Variants in TRAPPC8 observed in about 807,000 individuals in gnomAD.
TRAPPC8 encodes general sporulation gene 1 homolog.
Under a neutral mutation model 174.3 loss-of-function variants are expected in TRAPPC8, and 54 were observed. The observed-to-expected ratio is 0.31, with a 90% CI of 0.25 to 0.39. The LOEUF is 0.39. TRAPPC8 is among the 10% of genes least tolerant of loss of function. TRAPPC8 has a pLI of 1.00. For missense variants in TRAPPC8, 1,531 were observed against 1,699.1 expected (o/e 0.90, Z 1.74); for synonymous variants, 630 against 579.9 (o/e 1.09, Z -1.24).
At chr18:31,877,640 T>A (rs1251572969) in intron 12 of TRAPPC8, among the ~76,000 whole-genome samples, 2 of 137,126 alleles carry the variant, frequency 1.5e-5, no homozygotes, top group African/African-American at 5.5e-5. Flanking sequence ...AGTGAGCCCA[T>A]GGCCAGGCAC....
chr18:31,878,227 A>AC (rs1261392066), intron 12 of TRAPPC8, among the ~76,000 whole-genome samples: 1 of 152,146 alleles, frequency 6.6e-6, no homozygotes, highest in African/African-American at 2.4e-5. Flanking sequence ...CAACTGGTGC[A>AC]CCCCATCCCA....
intron 24 of TRAPPC8, 64 bp from the exon 25 acceptor site, chr18:31,849,803 T>C (rs958188069): frequency 5.6e-6 from 8 of 1,440,248 alleles, no homozygotes; most frequent in Non-Finnish European, 7.3e-6. Flanking sequence ...ATTTATTTTG[T>C]ATAACTCAGT....
intron 19 of TRAPPC8, among the ~76,000 whole-genome samples, chr18:31,862,523 A>G (rs937040935): frequency 6.6e-6 from 1 of 152,168 alleles, no homozygotes; most frequent in Admixed American, 6.5e-5. Context: ...GAACTAAAAA[A>G]CAAAGTTTGA....
chr18:31,915,115 G>A (rs1015477595), intron 4 of TRAPPC8, among the ~76,000 whole-genome samples: 13 of 152,160 alleles, frequency 8.5e-5, no homozygotes, highest in African/African-American at 2.7e-4. Flanking sequence ...AATGACAAGT[G>A]TTTTTGTACA....
chr18:31,895,859 T>C (rs951271713), intron 11 of TRAPPC8: 9 of 152,350 alleles, frequency 5.9e-5, no homozygotes, highest in African/African-American at 2.2e-4. Context: ...GTCCATGCAA[T>C]AACAATTATT....
chr18:31,884,493 G>C (rs1209074918), intron 12 of TRAPPC8, among the ~76,000 whole-genome samples: 1 of 152,054 alleles, frequency 6.6e-6, no homozygotes, highest in Admixed American at 6.6e-5. Flanking sequence ...TTTTCTTCTG[G>C]CTATTGCTGC....
intron 12 of TRAPPC8, among the ~76,000 whole-genome samples, chr18:31,884,371 C>T (rs1434815276): frequency 6.6e-6 from 1 of 152,200 alleles, no homozygotes; most frequent in Admixed American, 6.5e-5. Context: ...TGTGCTAAAA[C>T]TGCATGTGAG....
chr18:31,830,121 G>A lies in TRAPPC8; in HGVS notation c.*634C>T, dbSNP rs1568021323. On this transcript the variant is annotated 3_prime_UTR_variant, in exon 29 of 29. Coordinates refer to ENST00000283351, the MANE Select transcript of TRAPPC8 (RefSeq NM_014939.5). ...GACAAAAATCGTATTGTGAAATAGC[G>A]CACTCTATACTGAGATGAATGAGGG... 1 of 152,528 alleles carries A rather than the reference G, an allele frequency of 6.6e-6. No individual in the cohort carries two copies. Among genetic ancestry groups the A allele is most frequent in the Non-Finnish European group, 1.5e-5 (1 of 68,032 alleles). 9.4% of individuals were successfully genotyped at this position (152,528 alleles called of 1,614,324 possible). A position where few individuals can be genotyped will look rare whatever the true frequency, so the allele number is the denominator to read the frequency against.
chr18:31,929,444 A>G (rs541163095), intron 2 of TRAPPC8, among the ~76,000 whole-genome samples: 2 of 151,956 alleles, frequency 1.3e-5, no homozygotes, highest in African/African-American at 2.4e-5. Context: ...AGAAGATTGC[A>G]TAAGTCCAGG....
chr18:31,876,017 A>G (rs1221265636), intron 12 of TRAPPC8, among the ~76,000 whole-genome samples: 1 of 152,202 alleles, frequency 6.6e-6, no homozygotes, highest in African/African-American at 2.4e-5. Flanking sequence ...ACTATAGTTT[A>G]CAACCATCTA....
Position 31,884,478 on chromosome 18 carries a change from T to C in TRAPPC8, c.1728+6257A>G, listed in dbSNP as rs180879872. On this transcript the variant is annotated intron_variant, in intron 12 of 28. Coordinates refer to ENST00000283351, the MANE Select transcript of TRAPPC8 (RefSeq NM_014939.5). Reference sequence around the variant, plus strand: ...TTTGTTCTGTAGTGATAGAGTTTGGTATTCTTTTCTTCTGGCTATTGCTGC... The same window carrying C: ...TTTGTTCTGTAGTGATAGAGTTTGGCATTCTTTTCTTCTGGCTATTGCTGC... Among the ~76,000 whole-genome samples the C allele has an allele frequency of 1.9e-3, 289 of 152,330 alleles. 2 individuals are homozygous for C. The highest frequency in any genetic ancestry group is 0.017 in the South Asian group (84 of 4,828).
rs193028382 is a variant in TRAPPC8 at position 31,942,575 on chromosome 18, G to T, written c.157+33C>A. On this transcript the variant is annotated intron_variant, in intron 1 of 28. Coordinates refer to ENST00000283351, the MANE Select transcript of TRAPPC8 (RefSeq NM_014939.5). ...TCCTTCTCCCGACCACGGCTTTGCG[G>T]GAGCCCACTGGAAAAGGGAGGATAC... 531 of 1,493,902 alleles carry T rather than the reference G, an allele frequency of 3.6e-4. No homozygotes were observed. The African/African-American group carries it at 7.0e-3, about 20-fold the overall frequency. 92.5% of individuals were successfully genotyped at this position (1,493,902 alleles called of 1,614,324 possible).
At chr18:31,907,641 T>G (rs1451734663) in intron 8 of TRAPPC8, 31 bp from the exon 9 acceptor site, 23 of 1,536,048 alleles carry the variant, frequency 1.5e-5, no homozygotes, top group East Asian at 2.4e-5. Context: ...AATTTATAAT[T>G]TATTACCCCC....
intron 12 of TRAPPC8, among the ~76,000 whole-genome samples, chr18:31,876,175 T>G (rs2035132827): frequency 6.6e-6 from 1 of 152,072 alleles, no homozygotes; most frequent in Non-Finnish European, 1.5e-5. Context: ...ATCAATTTTT[T>G]TAAAAGGAGA....
intron 11 of TRAPPC8, among the ~76,000 whole-genome samples, chr18:31,894,244 T>A (rs1213326509): frequency 6.6e-6 from 1 of 152,194 alleles, no homozygotes; most frequent in East Asian, 1.9e-4. Flanking sequence ...TGACTCTTAC[T>A]GTGACACCCA....
intron 26 of TRAPPC8, among the ~76,000 whole-genome samples, chr18:31,842,443 CAT>C (rs1011321549): frequency 2.2e-4 from 34 of 152,326 alleles, no homozygotes; most frequent in African/African-American, 7.9e-4. Context: ...AGTGAGGTAA[CAT>C]AAATGTCGAC....
intron 1 of TRAPPC8, among the ~76,000 whole-genome samples, chr18:31,933,245 G>A (rs1210242631): frequency 6.7e-6 from 1 of 148,164 alleles, no homozygotes; most frequent in African/African-American, 2.5e-5. Context: ...AGCTGGCAGT[G>A]AGCTGAGATC....
chr18:31,898,322 G>T (rs1273529913), intron 10 of TRAPPC8, among the ~76,000 whole-genome samples: 2 of 152,078 alleles, frequency 1.3e-5, no homozygotes, highest in Non-Finnish European at 2.9e-5. Context: ...AAGAAAAGAA[G>T]TCTATGTCCT....
intron 19 of TRAPPC8, among the ~76,000 whole-genome samples, chr18:31,859,871 C>A (rs570002270): frequency 2.0e-5 from 3 of 152,154 alleles, no homozygotes; most frequent in Non-Finnish European, 4.4e-5. Context: ...CAAAAATTAG[C>A]CAGGCATGGT....
Sources: gnomAD v4.1 joint callset for allele counts (sites outside exome capture counted in the v4.1 genomes callset) on GRCh38, gnomAD v4.1.1 for gene constraint, MANE v1.5 for transcripts, NCBI Gene and HGNC (gene_info 2026-07-23, HGNC 2026-07-21) for gene names.